CATSPERE: variants seen among roughly 807,000 people sequenced by gnomAD.
The protein encoded by CATSPERE is catsper channel auxiliary subunit epsilon, also known as cation channel sperm-associated auxiliary subunit epsilon.
Under a neutral mutation model 114.1 loss-of-function variants are expected in CATSPERE, and 93 were observed. The ratio of observed to expected loss-of-function variants is 0.81; its 90% CI spans 0.69 to 0.97. The LOEUF (loss-of-function observed/expected upper bound fraction) is 0.97, where lower values mean the gene tolerates loss of function less well. Ranked by LOEUF, CATSPERE falls within the 50% of genes least tolerant of loss-of-function variation. CATSPERE has a pLI of 0.00. For missense variants in CATSPERE, 1,058 were observed against 1,131.6 expected, an observed-to-expected ratio of 0.93 and a Z score of 0.93; for synonymous variants, 341 against 384.1, an observed-to-expected ratio of 0.89 and a Z score of 1.31.
At chr1:244,463,873 G>T (rs1251312451) in intron 1 of CATSPERE, 35 bp from the exon 2 acceptor site, 3 of 1,527,160 alleles carry the variant, frequency 2.0e-6, no homozygotes, top group African/African-American at 2.7e-5. Context: ...GAATAAATTA[G>T]TTTTAATATT....
At chr1:244,553,634 C>CACACAA (rs1661115205) in intron 9 of CATSPERE, among the ~76,000 whole-genome samples, 3 of 137,062 alleles carry the variant, frequency 2.2e-5, no homozygotes, top group African/African-American at 8.2e-5. Context: ...CACACACACA[C>CACACAA]ACACACACAC....
At chr1:244,621,531 A>G (rs1672393026) in intron 20 of CATSPERE, among the ~76,000 whole-genome samples, 1 of 151,542 alleles carries the variant, frequency 6.6e-6, no homozygotes, top group African/African-American at 2.4e-5. Flanking sequence ...TTTAAGCTCA[A>G]GCCTCAGAAA....
At chr1:244,457,446 T>C (rs1471837872), upstream of CATSPERE, 1 of 152,208 alleles carries the variant, frequency 6.6e-6, no homozygotes, top group Admixed American at 6.5e-5. Context: ...TATGTAATGT[T>C]AAAAGATAAT....
chr1:244,514,894 C>T (rs1379395848), intron 7 of CATSPERE, among the ~76,000 whole-genome samples: 1 of 151,582 alleles, frequency 6.6e-6, no homozygotes, highest in African/African-American at 2.4e-5. Flanking sequence ...GGTCTGTACC[C>T]GAGTTAATAA....
At chr1:244,625,424 A>ATTTTTTTTTTTTTTT (rs1281579567) in intron 20 of CATSPERE, among the ~76,000 whole-genome samples, 1 of 3,952 alleles carries the variant, frequency 2.5e-4, no homozygotes, top group Admixed American at 5.2e-3. Flanking sequence ...ATATATATAT[A>ATTTTTTTTTTTTTTT]TATATATATT....
chr1:244,562,209 A>G (rs1662678646), intron 10 of CATSPERE, among the ~76,000 whole-genome samples: 1 of 152,042 alleles, frequency 6.6e-6, no homozygotes, highest in Non-Finnish European at 1.5e-5. Flanking sequence ...TCAAACAAGC[A>G]AATACTAAAT....
At chr1:244,600,860 C>T (rs903948324) in intron 17 of CATSPERE, among the ~76,000 whole-genome samples, 9 of 152,062 alleles carry the variant, frequency 5.9e-5, no homozygotes, top group South Asian at 4.1e-4. Context: ...AAAGTCACCA[C>T]CATCAAAGAA....
At chr1:244,468,756 A>C (rs1258114100) in intron 2 of CATSPERE, among the ~76,000 whole-genome samples, 1 of 152,076 alleles carries the variant, frequency 6.6e-6, no homozygotes, top group Non-Finnish European at 1.5e-5. Context: ...CCATCTCTAC[A>C]AATAATAATA....
intron 7 of CATSPERE, among the ~76,000 whole-genome samples, chr1:244,509,360 T>G (rs2148322320): frequency 6.6e-6 from 1 of 152,344 alleles, no homozygotes; most frequent in Middle Eastern, 3.4e-3. Flanking sequence ...CTTCATTCTG[T>G]TGATGTGATA....
At chr1:244,622,832 T>C (rs767519697) in intron 20 of CATSPERE, among the ~76,000 whole-genome samples, 13 of 152,196 alleles carry the variant, frequency 8.5e-5, no homozygotes, top group Non-Finnish European at 1.8e-4. Context: ...ACAGATAACC[T>C]TTCCTGCTAG....
chr1:244,605,885 T>C, intron 18 of CATSPERE, 91 bp downstream of exon 18: 6 of 853,542 alleles, frequency 7.0e-6, no homozygotes, highest in Non-Finnish European at 8.9e-6. Context: ...CTAAGGAAAA[T>C]AGAATAAGGC....
chr1:244,545,511 T>G (rs1441985146), intron 8 of CATSPERE, among the ~76,000 whole-genome samples: 1 of 152,202 alleles, frequency 6.6e-6, no homozygotes, highest in East Asian at 1.9e-4. Flanking sequence ...AGGGATGCTA[T>G]GTAGAGCCTT....
chr1:244,507,993 T>C (rs1001981294), intron 7 of CATSPERE, among the ~76,000 whole-genome samples: 1 of 152,180 alleles, frequency 6.6e-6, no homozygotes, highest in Non-Finnish European at 1.5e-5. Context: ...TTTTTTTTTC[T>C]ATTTCTGTAA....
At chr1:244,591,769 T>C in intron 15 of CATSPERE, 38 bp downstream of exon 15, 1 of 1,216,710 alleles carries the variant, frequency 8.2e-7, no homozygotes, top group Non-Finnish European at 1.2e-6. Flanking sequence ...AGTTTTATAT[T>C]AACGTAGTAC....
At chr1:244,601,052 G>C (rs1397287019) in intron 17 of CATSPERE, among the ~76,000 whole-genome samples, 1 of 152,000 alleles carries the variant, frequency 6.6e-6, no homozygotes, top group African/African-American at 2.4e-5. Flanking sequence ...AAATCATAAG[G>C]AAATAATACG....
At chr1:244,464,010 TAGAGCAG>T in intron 2 of CATSPERE, 54 bp downstream of exon 2, 3 of 1,272,128 alleles carry the variant, frequency 2.4e-6, no homozygotes, top group Non-Finnish European at 3.4e-6. Flanking sequence ...TTTTGAACTT[TAGAGCAG>T]AGAGCAGAGT....
At chr1:244,531,384 A>C (rs1435776485) in intron 8 of CATSPERE, among the ~76,000 whole-genome samples, 1 of 152,188 alleles carries the variant, frequency 6.6e-6, no homozygotes, top group East Asian at 1.9e-4. Context: ...ACAGTAGTGA[A>C]AGTGGATATA....
At chr1:244,638,931 A>G (rs1674989630) in intron 21 of CATSPERE, among the ~76,000 whole-genome samples, 1 of 152,120 alleles carries the variant, frequency 6.6e-6, no homozygotes, top group African/African-American at 2.4e-5. Context: ...TGCCTTTTCT[A>G]CCTTCACACT....
At chr1:244,481,143 ACT>A (rs1291498058) in intron 5 of CATSPERE, among the ~76,000 whole-genome samples, 2 of 151,918 alleles carry the variant, frequency 1.3e-5, no homozygotes, top group Admixed American at 1.3e-4. Flanking sequence ...ACAGAATGAG[ACT>A]CTGTCTCATA....
Sources: gnomAD v4.1 joint callset for allele counts (sites outside exome capture counted in the v4.1 genomes callset) on GRCh38, gnomAD v4.1.1 for gene constraint, MANE v1.5 for transcripts, NCBI Gene and HGNC (gene_info 2026-07-23, HGNC 2026-07-21) for gene names.